Variants in HSPA12B observed in about 807,000 individuals in gnomAD.
The protein encoded by HSPA12B is heat shock protein family A (Hsp70) member 12B.
HSPA12B carries 54 observed loss-of-function variants against 69.3 expected under a neutral mutation model. The observed-to-expected ratio is 0.78, with a 90% confidence interval of 0.63 to 0.98. HSPA12B has a LOEUF of 0.98. Ranked by LOEUF, HSPA12B falls within the 50% of genes least tolerant of loss-of-function variation. The pLI, the probability that HSPA12B is intolerant of heterozygous loss-of-function variation, is 0.00. For synonymous variants in HSPA12B, 441 were observed against 436.5 expected (o/e 1.01, Z -0.13); for missense variants, 929 against 999.8 (o/e 0.93, Z 0.96).
rs1407853462 is a variant in HSPA12B, at chr20:3,745,994, A to G, written c.638A>G (p.Gln213Arg). ...WVLTVPAIWK[Q>R]PAKQFMREAA... ...TTGACGGTGCCTGCCATCTGGAAACAGCCAGCCAAGCAGTTCATGCGGGAG... is the reference window on the plus strand; with the variant it reads ...TTGACGGTGCCTGCCATCTGGAAACGGCCAGCCAAGCAGTTCATGCGGGAG... The change falls in exon 7 of 13, where the codon CAG becomes CGG. Residue 213 changes from glutamine (Q) to arginine (R), a missense_variant. By Grantham distance (43) the Gln-to-Arg change is conservative. This residue lies in a region of HSPA12B where 477 missense variants were observed against 535.2 expected (regional missense o/e 0.89). Transcript: ENST00000254963. The surrounding 1 kb of genome is among the most constrained non-coding windows in gnomAD (Gnocchi z 5.6). The G allele has an allele frequency of 6.2e-7, 1 of 1,613,876 alleles. No individual in the cohort carries two copies. Among genetic ancestry groups the G allele is most frequent in the African/African-American group, 1.3e-5 (1 of 74,926 alleles).
chr20:3,743,319 G>A (rs1157783598), intron 4 of HSPA12B, among the ~76,000 whole-genome samples: 2 of 150,110 alleles, frequency 1.3e-5, no homozygotes, highest in East Asian at 3.9e-4. Flanking sequence ...GAGTAGCTAG[G>A]ACTACAGACA....
At chr20:3,739,693 C>T (rs1416393110) in intron 2 of HSPA12B, among the ~76,000 whole-genome samples, 1 of 152,198 alleles carries the variant, frequency 6.6e-6, no homozygotes, top group Non-Finnish European at 1.5e-5. Context: ...TTCCCAGAGT[C>T]CCCCTCATGC....
At chr20:3,739,210 G>A (rs146815741) in intron 2 of HSPA12B, among the ~76,000 whole-genome samples, 1 of 132,782 alleles carries the variant, frequency 7.5e-6, no homozygotes, top group African/African-American at 2.9e-5. Flanking sequence ...CGTGTGCATG[G>A]AGGGTCTGTG....
rs767027244 is a variant in HSPA12B, at chr20:3,752,828, C to A, written c.*662C>A. 1.3e-5 allele frequency: 2 copies of A among 153,690 alleles called. No homozygotes were observed. The highest frequency in any genetic ancestry group is 4.8e-5 in the African/African-American group (2 of 41,398). The allele number at this position is 153,690 out of a possible 1,614,324, so 9.5% of individuals were successfully genotyped here. A position where few individuals can be genotyped will look rare whatever the true frequency, so the allele number is the denominator to read the frequency against. On this transcript the variant is annotated 3_prime_UTR_variant, in exon 13 of 13. Coordinates refer to ENST00000254963, the MANE Select transcript of HSPA12B (RefSeq NM_052970.5). ...TAGCATTTCTTTCGAGACAAAACAC[C>A]CGTCTGGGAAGGCCCCAAGGTCAGC...
chr20:3,737,762 A>G lies in HSPA12B; in HGVS notation c.-17-896A>G, dbSNP rs183959234. 1.7e-4 allele frequency among the ~76,000 whole-genome samples: 26 copies of G among 152,256 alleles called. No individual in the cohort carries two copies. The highest frequency in any genetic ancestry group is 1.5e-5 in the Non-Finnish European group (1 of 68,010). On this transcript the variant is annotated intron_variant, in intron 1 of 12. Transcript: ENST00000254963. The surrounding 1 kb of genome is among the most constrained non-coding windows in gnomAD (Gnocchi z 4.1). The stretch of plus-strand genomic sequence containing the variant: ...TCATGCCTGTAATCCCAGCACTTTG[A>G]GAGGCCGAGGTGGGCGGATCACCTG...
chr20:3,740,941 G>A lies in HSPA12B; in HGVS notation c.141+29G>A. The A allele has an allele frequency of 1.9e-6, 3 of 1,583,914 alleles. No individual in the cohort carries two copies. Among genetic ancestry groups the A allele is most frequent in the Admixed American group, 1.7e-5 (1 of 58,262 alleles). On this transcript the variant is annotated intron_variant, in intron 3 of 12. Coordinates refer to ENST00000254963, the MANE Select transcript of HSPA12B (RefSeq NM_052970.5). This position sits in a 1 kb window ranked among gnomAD's most constrained non-coding sequence, Gnocchi z 4.9. ...AGCCCAGAGCAGGGACCAGGTGGTG[G>A]GTGACCTGGCTGGTGTGGACAGGGT...
chr20:3,733,005 A>G (rs2088054452), intron 1 of HSPA12B, among the ~76,000 whole-genome samples: 1 of 151,998 alleles, frequency 6.6e-6, no homozygotes, highest in South Asian at 2.1e-4. Context: ...TCGGGGGACC[A>G]CCTCCCCTGT....
At chr20:3,747,296 G>C (rs115397750) in intron 7 of HSPA12B, among the ~76,000 whole-genome samples, 3,249 of 152,270 alleles carry the variant, frequency 0.021, 126 homozygotes, top group African/African-American at 0.074. Flanking sequence ...GCATGACCCA[G>C]GGCCAGGTCT....
rs948853177 is a variant in HSPA12B at position 3,752,226 on chromosome 20, G to T, written c.*60G>T. ...GGCCCCGCCCTCTTTCGGTTCAGGG[G>T]CCTGCGGAGCGGGTTGGGGCGGGGG... On this transcript the variant is annotated 3_prime_UTR_variant, in exon 13 of 13. Coordinates refer to ENST00000254963, the MANE Select transcript of HSPA12B (RefSeq NM_052970.5). The T allele has an allele frequency of 1.0e-5, 14 of 1,395,844 alleles. No individual in the cohort carries two copies. The highest frequency in any genetic ancestry group is 1.5e-5 in the African/African-American group (1 of 66,046). 86.5% of individuals were successfully genotyped at this position (1,395,844 alleles called of 1,614,324 possible).
At chr20:3,746,804 C>T (rs1437927415) in intron 7 of HSPA12B, among the ~76,000 whole-genome samples, 3 of 152,136 alleles carry the variant, frequency 2.0e-5, no homozygotes, top group East Asian at 3.9e-4. Flanking sequence ...CTTGCACATC[C>T]GTATCGGTCT....
intron 1 of HSPA12B, 97 bp from the exon 2 acceptor site, chr20:3,738,561 C>A: frequency 1.7e-6 from 2 of 1,199,994 alleles, no homozygotes; most frequent in Non-Finnish European, 2.4e-6. Context: ...CTTCAAAGGA[C>A]TCCAGCCAAA....
intron 11 of HSPA12B, 27 bp from the exon 12 acceptor site, chr20:3,750,777 G>T (rs1397788070): frequency 1.9e-5 from 31 of 1,613,406 alleles, no homozygotes; most frequent in Non-Finnish European, 2.6e-5. Context: ...CTGACCGATG[G>T]ATATTTGCCC....
In HSPA12B at chr20:3,752,526, G is replaced by A. The variant is rs528265723; in HGVS notation, c.*360G>A. On this transcript the variant is annotated 3_prime_UTR_variant, in exon 13 of 13. Coordinates refer to ENST00000254963, the MANE Select transcript of HSPA12B (RefSeq NM_052970.5). ...ACTTGGCCGAGTAGGGGTGGGGGTGGGATGGCAGGAGGAGCCGCAGGAGGA... is the reference window on the plus strand; with the variant it reads ...ACTTGGCCGAGTAGGGGTGGGGGTGAGATGGCAGGAGGAGCCGCAGGAGGA... 5.2e-6 allele frequency: 1 copy of A among 192,486 alleles called. No individual in the cohort carries two copies. The highest frequency in any genetic ancestry group is 1.7e-4 in the South Asian group (1 of 5,716). 11.9% of individuals were successfully genotyped at this position (192,486 alleles called of 1,614,324 possible).
Position 3,751,992 on chromosome 20 carries a change from G to A in HSPA12B, c.1887G>A (p.Ala629=), listed in dbSNP as rs765850912. 2 of 1,568,300 alleles carry A rather than the reference G, an allele frequency of 1.3e-6. No homozygotes were observed. The highest frequency in any genetic ancestry group is 1.7e-6 in the Non-Finnish European group (2 of 1,163,014). Residue 629 remains alanine, a synonymous_variant, in exon 13 of 13, where the codon GCG becomes GCA. Coordinates refer to ENST00000254963, the MANE Select transcript of HSPA12B (RefSeq NM_052970.5). ...ACCCCGGCGTGCGCAAATGCGGCGC[G>A]CTCAGCCTCGAGCTTGAGCCCGCCG... is the stretch of plus-strand genomic sequence containing the variant. ...ITDPGVRKCG[A]LSLELEPADC...
rs1169226608 is a variant in HSPA12B at position 3,746,008 on chromosome 20, T to C, written c.652T>C (p.Phe218Leu). The change falls in exon 7 of 13, where the codon TTC (phenylalanine) becomes CTC (leucine). Residue 218 changes from phenylalanine to leucine, a missense_variant. Transcript: ENST00000254963. ...PAIWKQPAKQ[F>L]MREAAYLAGL... Reference sequence around the variant, plus strand: ...CATCTGGAAACAGCCAGCCAAGCAGTTCATGCGGGAGGCTGCCTACCTGGT... The same window carrying C: ...CATCTGGAAACAGCCAGCCAAGCAGCTCATGCGGGAGGCTGCCTACCTGGT... The C allele has an allele frequency of 1.2e-6, 2 of 1,613,664 alleles. No homozygotes were observed. Among genetic ancestry groups the C allele is most frequent in the Non-Finnish European group, 1.7e-6 (2 of 1,179,870 alleles).
rs146443971 is a variant in HSPA12B, at chr20:3,744,999, G to A, written c.364G>A (p.Ala122Thr). 10 of 1,613,884 alleles carry A rather than the reference G, an allele frequency of 6.2e-6. No individual in the cohort carries two copies. Among genetic ancestry groups the A allele is most frequent in the South Asian group, 2.2e-5 (2 of 91,084 alleles). ...EGAFHSFGYT[A>T]RDYYHDLDPE... ...CGCCTTCCACAGCTTTGGCTACACC[G>A]CCCGCGATTACTACCATGACCTGGA... is the stretch of plus-strand genomic sequence containing the variant. The change falls in exon 5 of 13, where the codon GCC becomes ACC. Residue 122 changes from alanine (A) to threonine (T), a missense_variant. Ala to Thr is a moderately conservative substitution (Grantham distance 58). Around this residue, in one of 3 missense-constraint regions of HSPA12B, gnomAD observed 477 missense variants for 535.2 expected, o/e 0.89. Coordinates refer to ENST00000254963, the MANE Select transcript of HSPA12B (RefSeq NM_052970.5). This position sits in a 1 kb window ranked among gnomAD's most constrained non-coding sequence, Gnocchi z 4.9.
chr20:3,734,429 G>A (rs1378741710), intron 1 of HSPA12B, among the ~76,000 whole-genome samples: 4 of 152,316 alleles, frequency 2.6e-5, no homozygotes, highest in Admixed American at 2.6e-4. Flanking sequence ...CCAGAGTTTG[G>A]CATGTGCTTG....
rs144288119 is a variant in HSPA12B at position 3,749,333 on chromosome 20, G to A, written c.937+15G>A. 3.6e-5 allele frequency: 58 copies of A among 1,607,990 alleles called. No individual in the cohort carries two copies. The East Asian group carries it at 1.3e-3, about 35-fold the overall frequency. On this transcript the variant is annotated intron_variant, in intron 9 of 12. Coordinates refer to ENST00000254963, the MANE Select transcript of HSPA12B (RefSeq NM_052970.5). This position sits in a 1 kb window ranked among gnomAD's most constrained non-coding sequence, Gnocchi z 5.5. The stretch of plus-strand genomic sequence containing the variant: ...GATGCAAGCAGGTAGGGGGAAAGGG[G>A]GACGGAGTGTTATCCTTGGCCCCTA...
At chr20:3,748,153 A>C (rs1486756733) in intron 7 of HSPA12B, 64 bp from the exon 8 acceptor site, 2 of 1,387,378 alleles carry the variant, frequency 1.4e-6, no homozygotes, top group African/African-American at 3.0e-5. Flanking sequence ...TCCCCACCTC[A>C]CAGTGCCATC....
Sources: allele counts gnomAD v4.1 joint callset (sites outside exome capture counted in the v4.1 genomes callset), GRCh38; gene constraint gnomAD v4.1.1; regional missense constraint gnomAD v4.1.1; non-coding constraint Gnocchi (gnomAD v3.1); transcripts MANE v1.5; gene names NCBI Gene and HGNC (gene_info 2026-07-23, HGNC 2026-07-21).